ELAPOR2: variants seen among roughly 807,000 people sequenced by gnomAD.
The protein encoded by ELAPOR2 is endosome-lysosome associated apoptosis and autophagy regulator family member 2.
ELAPOR2 carries 89 observed loss-of-function variants against 120.7 expected under a neutral mutation model. The observed-to-expected ratio is 0.74, with a 90% CI of 0.62 to 0.88. ELAPOR2 has a LOEUF of 0.88. Among genes scored for constraint, ELAPOR2 ranks in the 40% least tolerant of loss-of-function variants. The pLI, the probability that ELAPOR2 is intolerant of heterozygous loss-of-function variation, is 0.00. For missense variants in ELAPOR2, 1,134 were observed against 1,251.6 expected (o/e 0.91, Z 1.42); for synonymous variants, 444 against 444.9 (o/e 1.00, Z 0.03).
chr7:86,984,088 G>A (rs1251367854), intron 1 of ELAPOR2, among the ~76,000 whole-genome samples: 1 of 152,138 alleles, frequency 6.6e-6, no homozygotes, highest in Non-Finnish European at 1.5e-5. Flanking sequence ...GATCAAAAGA[G>A]AGGAAGGCCA....
chr7:86,911,696 C>G (rs995293689), intron 15 of ELAPOR2: 3 of 461,766 alleles, frequency 6.5e-6, no homozygotes, highest in Non-Finnish European at 1.3e-5. Context: ...TCTTTTTCTT[C>G]TTAAAACACA....
At position 86,926,764 on chromosome 7, in the gene ELAPOR2, A is replaced by T; in HGVS notation, c.1242T>A (p.Pro414=). 2.5e-6 allele frequency: 4 copies of T among 1,610,484 alleles called. No individual in the cohort carries two copies. Among genetic ancestry groups the T allele is most frequent in the Non-Finnish European group, 3.4e-6 (4 of 1,178,304 alleles). The change falls in exon 9 of 22, where the codon CCT becomes CCA. Residue 414 remains proline (P), a synonymous_variant. Transcript: ENST00000450689. ...NNGSSSCHPC[P]PGTFSDGTKE... ...TGGTTCCATCTGAAAATGTTCCAGG[A>T]GGACAGGGATGGCAAGAAGATGATC...
chr7:86,909,970 A>T lies in ELAPOR2; in HGVS notation c.2201T>A (p.Ile734Lys). ...GKKMALCTNN[I>K]TDFTVKEIVA... is the part of the protein sequence containing the mutation. ...TATTTCTTTTACTGTAAAGTCTGTT[A>T]TATTGTTGGTACAGAGAGCCATCTT... Residue 734 changes from isoleucine to lysine, a missense_variant, in exon 16 of 22, where the codon ATA becomes AAA. This residue lies in a region of ELAPOR2 where 831 missense variants were observed against 867.6 expected (regional missense o/e 0.96). Coordinates refer to ENST00000450689, the MANE Select transcript of ELAPOR2 (RefSeq NM_001142749.3). 1.9e-6 allele frequency: 3 copies of T among 1,612,594 alleles called. No individual in the cohort carries two copies. Among genetic ancestry groups the T allele is most frequent in the Non-Finnish European group, 1.7e-6 (2 of 1,179,214 alleles).
At chr7:87,021,123 G>A (rs1222975572) in intron 1 of ELAPOR2, among the ~76,000 whole-genome samples, 1 of 152,124 alleles carries the variant, frequency 6.6e-6, no homozygotes, top group Non-Finnish European at 1.5e-5. Context: ...TACACAGCTA[G>A]TAAGTGATAG....
In ELAPOR2 at chr7:87,041,129, A is replaced by G. The variant is rs533097922; in HGVS notation, c.189+18196T>C. 2.1e-3 allele frequency among the ~76,000 whole-genome samples: 316 copies of G among 152,318 alleles called. 2 individuals are homozygous for G. The highest frequency in any genetic ancestry group is 7.2e-3 in the African/African-American group (299 of 41,548). ...GGGATTATGTGAAAAGACCAAATCTATGTCTGATTGGTGTACCTGAAAGGG... is the reference window on the plus strand; with the variant it reads ...GGGATTATGTGAAAAGACCAAATCTGTGTCTGATTGGTGTACCTGAAAGGG... On this transcript the variant is annotated intron_variant, in intron 1 of 21. Transcript: ENST00000450689.
chr7:86,991,018 T>A (rs1687101005), intron 1 of ELAPOR2, among the ~76,000 whole-genome samples: 1 of 152,222 alleles, frequency 6.6e-6, no homozygotes, highest in Non-Finnish European at 1.5e-5. Flanking sequence ...TTTATTTATC[T>A]GAGCTGTAAA....
At chr7:87,022,873 T>C (rs1794104504) in intron 1 of ELAPOR2, among the ~76,000 whole-genome samples, 1 of 152,102 alleles carries the variant, frequency 6.6e-6, no homozygotes, top group Non-Finnish European at 1.5e-5. Flanking sequence ...TGTATAAATG[T>C]CTTCTTTTGA....
intron 2 of ELAPOR2, among the ~76,000 whole-genome samples, chr7:86,957,571 AAAC>A (rs1405079062): frequency 6.6e-6 from 1 of 152,216 alleles, no homozygotes; most frequent in African/African-American, 2.4e-5. Flanking sequence ...ATCAAGTACC[AAAC>A]AATATGTTAA....
In ELAPOR2 at chr7:86,880,020, T is replaced by TA. The variant is rs1161005513; in HGVS notation, c.*450dup. 1 of 153,044 alleles carries TA rather than the reference T, an allele frequency of 6.5e-6. No individual in the cohort carries two copies. The highest frequency in any genetic ancestry group is 6.5e-5 in the Admixed American group (1 of 15,294). The allele number at this position is 153,044 out of a possible 1,614,324, so 9.5% of individuals were successfully genotyped here. A position where few individuals can be genotyped will look rare whatever the true frequency, so the allele number is the denominator to read the frequency against. On this transcript the variant is annotated 3_prime_UTR_variant, in exon 22 of 22. Transcript: ENST00000450689. ...AATAAATAATGGGAAAAATATACCT[T>TA]AAAAAAATTTTAATTTTCCCCAAAA...
chr7:86,897,721 A>C, intron 18 of ELAPOR2, 89 bp from the exon 19 acceptor site: 1 of 1,442,588 alleles, frequency 6.9e-7, no homozygotes, highest in Non-Finnish European at 9.6e-7. Context: ...TACCTATCAC[A>C]TGCTGGGGAG....
At chr7:87,024,989 A>G (rs1056612874) in intron 1 of ELAPOR2, among the ~76,000 whole-genome samples, 8 of 120,132 alleles carry the variant, frequency 6.7e-5, no homozygotes, top group Non-Finnish European at 1.3e-4. Flanking sequence ...TTCCTACAGA[A>G]AAAAAAAAAA....
intron 2 of ELAPOR2, among the ~76,000 whole-genome samples, chr7:86,948,801 T>C (rs1791112817): frequency 6.6e-6 from 1 of 152,132 alleles, no homozygotes; most frequent in African/African-American, 2.4e-5. Context: ...TACATGGCTA[T>C]GTGCACGATG....
At chr7:87,010,872 T>A (rs1270613182) in intron 1 of ELAPOR2, among the ~76,000 whole-genome samples, 1 of 152,162 alleles carries the variant, frequency 6.6e-6, no homozygotes. Context: ...TACATAATTT[T>A]ACATTGTCCA....
chr7:87,022,051 T>G (rs1022824848), intron 1 of ELAPOR2, among the ~76,000 whole-genome samples: 2 of 152,154 alleles, frequency 1.3e-5, no homozygotes, highest in Non-Finnish European at 2.9e-5. Flanking sequence ...CATAGGTTAG[T>G]GAATAAACTA....
intron 10 of ELAPOR2, among the ~76,000 whole-genome samples, chr7:86,924,751 T>G (rs1163234763): frequency 6.7e-6 from 1 of 149,910 alleles, no homozygotes; most frequent in Admixed American, 6.6e-5. Flanking sequence ...CAAGCTTTTT[T>G]TTTTGAATAG....
At position 86,891,829 on chromosome 7, in the gene ELAPOR2, C is replaced by T. The variant is rs532961961; in HGVS notation, c.2925G>A (p.Pro975=). ...CCATGATAGCACAACTGTCTGCAGC[C>T]GGGAGTTCACACTCTTTTGAGTTAG... The part of the protein sequence containing the change: ...MTTNSKECEL[P]AADSCAIMEG... The change falls in exon 21 of 22, where the codon CCG becomes CCA. Residue 975 remains proline, a synonymous_variant. Coordinates refer to ENST00000450689, the MANE Select transcript of ELAPOR2 (RefSeq NM_001142749.3). The T allele has an allele frequency of 1.2e-5, 19 of 1,611,610 alleles. No homozygotes were observed. Among genetic ancestry groups the T allele is most frequent in the South Asian group, 2.2e-5 (2 of 90,880 alleles).
chr7:86,927,400 C>T (rs1184864131), intron 8 of ELAPOR2, among the ~76,000 whole-genome samples: 1 of 151,778 alleles, frequency 6.6e-6, no homozygotes, highest in Non-Finnish European at 1.5e-5. Flanking sequence ...TTCAATCCTG[C>T]TAGTTCATAA....
At chr7:86,994,919 G>GA (rs57101740) in intron 1 of ELAPOR2, among the ~76,000 whole-genome samples, 33,777 of 151,928 alleles carry the variant, frequency 0.22, 3,961 homozygotes, top group African/African-American at 0.25. Context: ...ACAAGTAACA[G>GA]AAAAAATCCC....
Position 86,925,540 on chromosome 7 carries a change from C to T in ELAPOR2, c.1387G>A (p.Asp463Asn), listed in dbSNP as rs1438684087. The part of the protein sequence containing the change: ...SCFNVGNSKC[D>N]GMNGWEVAGD... The stretch of plus-strand genomic sequence containing the variant: ...ATTTTGAACTTACCATTCATTCCAT[C>T]GCACTTTGAATTCCCAACATTGAAG... Residue 463 changes from aspartate to asparagine, a missense_variant, in exon 10 of 22, where the codon GAT (aspartate) becomes AAT (asparagine). Asp to Asn is a conservative substitution (Grantham distance 23). Coordinates refer to ENST00000450689, the MANE Select transcript of ELAPOR2 (RefSeq NM_001142749.3). 10 of 1,611,632 alleles carry T rather than the reference C, an allele frequency of 6.2e-6. No individual in the cohort carries two copies. The highest frequency in any genetic ancestry group is 2.2e-5 in the East Asian group (1 of 44,814).
Sources: gnomAD v4.1 joint callset for allele counts (sites outside exome capture counted in the v4.1 genomes callset) on GRCh38, gnomAD v4.1.1 for gene constraint, gnomAD v4.1.1 regional missense constraint, MANE v1.5 for transcripts, NCBI Gene and HGNC (gene_info 2026-07-23, HGNC 2026-07-21) for gene names.